UGGT2: variants seen among roughly 807,000 people sequenced by gnomAD.
The protein encoded by UGGT2 is UDP-glucose glycoprotein glucosyltransferase 2.
UGGT2 carries 180 observed loss-of-function variants against 192.1 expected under a neutral mutation model. That is an observed-to-expected ratio of 0.94 (90% CI 0.83 to 1.06). The LOEUF (loss-of-function observed/expected upper bound fraction) is 1.06, where lower values mean the gene tolerates loss of function less well. Among genes scored for constraint, UGGT2 ranks in the 50% least tolerant of loss-of-function variants. UGGT2 has a pLI of 0.00. For synonymous variants in UGGT2, 580 were observed against 591.0 expected (o/e 0.98, Z 0.27); for missense variants, 1,849 against 1,795.7 (o/e 1.03, Z -0.54).
chr13:95,819,521 TAATA>T (rs61084525), intron 38 of UGGT2, among the ~76,000 whole-genome samples: 1 of 64,472 alleles, frequency 1.6e-5, no homozygotes, highest in Non-Finnish European at 4.3e-5. Context: ...TGTATGTATG[TAATA>T]GTATATATGT....
At position 95,832,924 on chromosome 13, in the gene UGGT2, T is replaced by C. The variant is rs955165539; in HGVS notation, c.4528+3A>G. 1.8e-5 allele frequency: 29 copies of C among 1,612,134 alleles called. No homozygotes were observed. Among genetic ancestry groups the C allele is most frequent in the Non-Finnish European group, 2.5e-5 (29 of 1,178,730 alleles). ...CAGACATCACAACACGTTGATGACT[T>C]ACTTGTATCTTGCTTCTTGTTTTCA... On this transcript the variant is annotated splice_donor_region_variant and intron_variant, in intron 38 of 38. Coordinates refer to ENST00000376747, the MANE Select transcript of UGGT2 (RefSeq NM_020121.4).
At chr13:96,010,289 C>T (rs992575253) in intron 5 of UGGT2, among the ~76,000 whole-genome samples, 3 of 152,144 alleles carry the variant, frequency 2.0e-5, no homozygotes, top group African/African-American at 4.8e-5. Flanking sequence ...ATATACACCA[C>T]GAAATACTAC....
intron 29 of UGGT2, among the ~76,000 whole-genome samples, chr13:95,872,904 G>A (rs960958896): frequency 6.6e-6 from 1 of 152,238 alleles, no homozygotes. Context: ...GAGGAAATGG[G>A]CATTTACTCA....
chr13:95,955,660 C>T (rs1182808737), intron 12 of UGGT2, among the ~76,000 whole-genome samples: 1 of 152,180 alleles, frequency 6.6e-6, no homozygotes, highest in Non-Finnish European at 1.5e-5. Flanking sequence ...CTCTTTCCCT[C>T]AACCAGGTAC....
chr13:95,845,579 G>T (rs939683322), intron 36 of UGGT2, among the ~76,000 whole-genome samples: 1 of 151,630 alleles, frequency 6.6e-6, no homozygotes, highest in African/African-American at 2.4e-5. Context: ...TTTCTACACA[G>T]ACACAGTAAC....
intron 7 of UGGT2, 66 bp downstream of exon 7, chr13:95,995,997 T>C (rs1442978732): frequency 7.3e-7 from 1 of 1,363,158 alleles, no homozygotes; most frequent in Non-Finnish European, 1.0e-6. Context: ...CAAAACAGTA[T>C]ATCAAATTAA....
At chr13:96,028,825 G>A (rs777550429) in intron 2 of UGGT2, among the ~76,000 whole-genome samples, 2 of 152,118 alleles carry the variant, frequency 1.3e-5, no homozygotes, top group Admixed American at 6.6e-5. Context: ...TTTCCTCTAA[G>A]ATGTCTTGAA....
chr13:95,948,074 A>C lies in UGGT2; in HGVS notation c.1463T>G (p.Phe488Cys). The change falls in exon 14 of 39, where the codon TTT becomes TGT. Residue 488 changes from phenylalanine (F) to cysteine (C), a missense_variant. Transcript: ENST00000376747. ...IRRNFHNLVL[F>C]IDPAQEYTLD... Reference sequence around the variant, plus strand: ...GGTATATTCTTGGGCCGGATCAATAAACAGAACCTAAAAGAAAGATAGTAT... The same window carrying C: ...GGTATATTCTTGGGCCGGATCAATACACAGAACCTAAAAGAAAGATAGTAT... 6.2e-7 allele frequency: 1 copy of C among 1,612,184 alleles called. No homozygotes were observed. Among genetic ancestry groups the C allele is most frequent in the Non-Finnish European group, 8.5e-7 (1 of 1,178,962 alleles).
chr13:95,865,321 G>T (rs1285088668), intron 30 of UGGT2, among the ~76,000 whole-genome samples: 1 of 152,088 alleles, frequency 6.6e-6, no homozygotes. Flanking sequence ...GAAAGAGGTG[G>T]TTAGGAGATA....
chr13:95,877,407 A>T lies in UGGT2; in HGVS notation c.3388-43T>A, dbSNP rs769820018. 5 of 1,474,058 alleles carry T rather than the reference A, an allele frequency of 3.4e-6. No individual in the cohort carries two copies. In the East Asian group the frequency reaches 1.1e-4, roughly 34 times the overall value. 91.3% of individuals were successfully genotyped at this position (1,474,058 alleles called of 1,614,324 possible). A position where few individuals can be genotyped will look rare whatever the true frequency, so the allele number is the denominator to read the frequency against. ...AAATAATCATTGAGTAATATGACTA[A>T]AAACCATCGAATTGCTCATGAATAC... On this transcript the variant is annotated intron_variant, in intron 28 of 38. Coordinates refer to ENST00000376747, the MANE Select transcript of UGGT2 (RefSeq NM_020121.4).
At chr13:96,052,374 C>A (rs960786656) in intron 1 of UGGT2, among the ~76,000 whole-genome samples, 1 of 151,858 alleles carries the variant, frequency 6.6e-6, no homozygotes, top group African/African-American at 2.4e-5. Flanking sequence ...AGTGTATATA[C>A]TGATGGGGTG....
At chr13:95,948,461 A>C (rs2049954171) in intron 13 of UGGT2, among the ~76,000 whole-genome samples, 1 of 150,882 alleles carries the variant, frequency 6.6e-6, no homozygotes, top group African/African-American at 2.4e-5. Flanking sequence ...AATTTTGACC[A>C]AAAAAAAATA....
chr13:95,907,586 G>A (rs369493858), intron 20 of UGGT2, among the ~76,000 whole-genome samples: 28 of 152,300 alleles, frequency 1.8e-4, no homozygotes, highest in African/African-American at 6.7e-4. Flanking sequence ...TGCAGCCTCC[G>A]CTGGTGATAC....
chr13:95,876,260 T>A (rs1238871474), intron 29 of UGGT2, among the ~76,000 whole-genome samples: 9 of 152,204 alleles, frequency 5.9e-5, no homozygotes, highest in Admixed American at 5.9e-4. Flanking sequence ...TTATATAAGA[T>A]ATAATGTATA....
At chr13:95,938,348 C>A (rs1027015882) in intron 16 of UGGT2, among the ~76,000 whole-genome samples, 2 of 152,132 alleles carry the variant, frequency 1.3e-5, no homozygotes, top group African/African-American at 2.4e-5. Flanking sequence ...TAAAAAGTGA[C>A]TAAATAACTC....
intron 38 of UGGT2, among the ~76,000 whole-genome samples, chr13:95,814,392 G>A (rs973992975): frequency 2.6e-5 from 4 of 152,224 alleles, no homozygotes; most frequent in African/African-American, 9.6e-5. Flanking sequence ...TGGAGTCAAA[G>A]GAGATTATTT....
intron 20 of UGGT2, among the ~76,000 whole-genome samples, chr13:95,903,361 G>A (rs1463154751): frequency 1.3e-5 from 2 of 152,114 alleles, no homozygotes; most frequent in Non-Finnish European, 2.9e-5. Flanking sequence ...GTAGAGCTCA[G>A]TGAATTAACC....
intron 17 of UGGT2, among the ~76,000 whole-genome samples, chr13:95,932,628 T>G (rs2049327531): frequency 6.6e-6 from 1 of 152,168 alleles, no homozygotes; most frequent in South Asian, 2.1e-4. Flanking sequence ...AGTACTATGA[T>G]GAATAGGAAT....
At chr13:95,815,766 TGGCC>T (rs1884814721) in intron 38 of UGGT2, among the ~76,000 whole-genome samples, 1 of 152,144 alleles carries the variant, frequency 6.6e-6, no homozygotes, top group Non-Finnish European at 1.5e-5. Context: ...AATATACAGA[TGGCC>T]AATAAGCACA....
Sources: allele counts gnomAD v4.1 joint callset (sites outside exome capture counted in the v4.1 genomes callset), GRCh38; gene constraint gnomAD v4.1.1; transcripts MANE v1.5; gene names NCBI Gene and HGNC (gene_info 2026-07-23, HGNC 2026-07-21).